SUDS3: variants seen among roughly 807,000 people sequenced by gnomAD.
The protein encoded by SUDS3 is SIN3A corepressor complex component SDS3.
In SUDS3, 23 loss-of-function variants were observed where a neutral mutation model predicts 53.5. The observed-to-expected ratio is 0.43, with a 90% confidence interval of 0.31 to 0.61. The LOEUF (loss-of-function observed/expected upper bound fraction) is 0.61. Among genes scored for constraint, SUDS3 ranks in the 20% least tolerant of loss-of-function variants. SUDS3 has a pLI of 0.10. For missense variants in SUDS3, 291 were observed against 405.9 expected (o/e 0.72, Z 2.43); for synonymous variants, 150 against 148.5 (o/e 1.01, Z -0.08).
intron 4 of SUDS3, among the ~76,000 whole-genome samples, chr12:118,389,296 A>G (rs1001607306): frequency 3.3e-5 from 5 of 151,884 alleles, no homozygotes; most frequent in Admixed American, 1.3e-4. Flanking sequence ...CCCTGGTGCC[A>G]AAAAGGTTGG....
At chr12:118,398,314 A>C (rs2046234074) in intron 6 of SUDS3, among the ~76,000 whole-genome samples, 1 of 152,146 alleles carries the variant, frequency 6.6e-6, no homozygotes, top group Admixed American at 6.5e-5. Flanking sequence ...GTGTTAGGTC[A>C]CACAGCCGTT....
intron 3 of SUDS3, 67 bp downstream of exon 3, chr12:118,384,134 T>G: frequency 6.9e-7 from 1 of 1,452,580 alleles, no homozygotes; most frequent in Admixed American, 1.8e-5. Flanking sequence ...TTGAAATCTG[T>G]GTATTTCACT....
chr12:118,408,532 C>T (rs2046328994), intron 10 of SUDS3, among the ~76,000 whole-genome samples: 1 of 151,934 alleles, frequency 6.6e-6, no homozygotes. Context: ...GGGGGTTTCA[C>T]CATGTTGGTC....
At chr12:118,407,622 G>C (rs2046319267) in intron 10 of SUDS3, among the ~76,000 whole-genome samples, 1 of 152,026 alleles carries the variant, frequency 6.6e-6, no homozygotes, top group Non-Finnish European at 1.5e-5. Context: ...CATGAGAATT[G>C]TTGGAATAGC....
At chr12:118,390,707 A>G (rs2046158272) in intron 5 of SUDS3, among the ~76,000 whole-genome samples, 1 of 152,240 alleles carries the variant, frequency 6.6e-6, no homozygotes, top group African/African-American at 2.4e-5. Flanking sequence ...CAATATATGT[A>G]TACTTTGGGG....
intron 4 of SUDS3, among the ~76,000 whole-genome samples, chr12:118,388,525 T>C (rs2046135029): frequency 6.6e-6 from 1 of 152,090 alleles, no homozygotes. Context: ...GTAAATCTAG[T>C]GGTGAGGGGA....
chr12:118,386,135 A>G lies in SUDS3; in HGVS notation c.290A>G (p.Lys97Arg). The stretch of plus-strand genomic sequence containing the variant: ...TCAGGTACATTACAGGAATATCAGA[A>G]GAGAATGAAAAAACTAGATCAGCAG... ...LQEGTLQEYQ[K>R]RMKKLDQQYK... The change falls in exon 4 of 12, where the codon AAG (lysine) becomes AGG (arginine). Residue 97 changes from lysine (K) to arginine (R), a missense_variant. Physicochemically the swap from Lys to Arg is conservative, Grantham distance 26. Transcript: ENST00000543473. 1 of 1,600,586 alleles carries G rather than the reference A, an allele frequency of 6.2e-7. No homozygotes were observed. The highest frequency in any genetic ancestry group is 1.3e-5 in the African/African-American group (1 of 74,790).
At chr12:118,403,705 G>A (rs113924792) in intron 10 of SUDS3, among the ~76,000 whole-genome samples, 188 bp downstream of exon 10, 4 of 152,144 alleles carry the variant, frequency 2.6e-5, no homozygotes, top group African/African-American at 4.8e-5. Flanking sequence ...TGAAAGCAGC[G>A]TTTCCCAAAA....
Position 118,380,149 on chromosome 12 carries a change from T to A in SUDS3, c.143-13T>A, listed in dbSNP as rs1403418605. 1 of 1,600,746 alleles carries A rather than the reference T, an allele frequency of 6.2e-7. No individual in the cohort carries two copies. Among genetic ancestry groups the A allele is most frequent in the South Asian group, 1.1e-5 (1 of 88,478 alleles). On this transcript the variant is annotated splice_polypyrimidine_tract_variant and intron_variant, in intron 1 of 11. Coordinates refer to ENST00000543473, the MANE Select transcript of SUDS3 (RefSeq NM_022491.3). Reference sequence around the variant, plus strand: ...ATGATTTTAACTAGCCCCTATTTCCTAACTTTATTCAGACACTGAGGATGC... The same window carrying A: ...ATGATTTTAACTAGCCCCTATTTCCAAACTTTATTCAGACACTGAGGATGC...
chr12:118,380,475 C>T (rs146694476), intron 2 of SUDS3, among the ~76,000 whole-genome samples: 16 of 152,270 alleles, frequency 1.1e-4, no homozygotes, highest in African/African-American at 3.6e-4. Flanking sequence ...CACTTCTGAT[C>T]CCAAGCATTT....
In SUDS3 at chr12:118,386,100, A is replaced by G; in HGVS notation, c.269-14A>G. 2.6e-6 allele frequency: 4 copies of G among 1,566,076 alleles called. No homozygotes were observed. The highest frequency in any genetic ancestry group is 2.6e-6 in the Non-Finnish European group (3 of 1,151,734). ...TATTCACAATAATTTTATTTTTCAA[A>G]TGTTCAAAATCAGGTACATTACAGG... On this transcript the variant is annotated splice_polypyrimidine_tract_variant and intron_variant, in intron 3 of 11. Coordinates refer to ENST00000543473, the MANE Select transcript of SUDS3 (RefSeq NM_022491.3).
chr12:118,376,872 T>G (rs1593744719), intron 1 of SUDS3, 39 bp downstream of exon 1: 15 of 1,012,528 alleles, frequency 1.5e-5, no homozygotes, highest in Middle Eastern at 4.2e-4. Context: ...GGAGCGGAGG[T>G]GGGACCGCTG....
At chr12:118,394,219 T>C (rs939435154) in intron 6 of SUDS3, among the ~76,000 whole-genome samples, 1 of 152,188 alleles carries the variant, frequency 6.6e-6, no homozygotes, top group Non-Finnish European at 1.5e-5. Context: ...TAGAACCTAC[T>C]GCAGAGGGTA....
At chr12:118,378,697 T>G (rs889360087) in intron 1 of SUDS3, among the ~76,000 whole-genome samples, 1 of 151,972 alleles carries the variant, frequency 6.6e-6, no homozygotes, top group East Asian at 1.9e-4. Context: ...TTTTTTGAGA[T>G]GGAGTTTCAC....
chr12:118,412,710 CTA>C (rs1349423562), intron 11 of SUDS3, among the ~76,000 whole-genome samples: 1 of 152,188 alleles, frequency 6.6e-6, no homozygotes, highest in Non-Finnish European at 1.5e-5. Context: ...TTATTCTCCT[CTA>C]TGATACCTCA....
At chr12:118,410,255 T>G (rs928704538) in intron 10 of SUDS3, among the ~76,000 whole-genome samples, 4 of 150,236 alleles carry the variant, frequency 2.7e-5, no homozygotes, top group African/African-American at 9.7e-5. Context: ...AAGTCAGCCT[T>G]CCTTCTTGTT....
chr12:118,393,268 T>A (rs139589233), intron 6 of SUDS3, among the ~76,000 whole-genome samples: 3 of 152,332 alleles, frequency 2.0e-5, no homozygotes, highest in Non-Finnish European at 4.4e-5. Flanking sequence ...GTTGCCCAGC[T>A]CTGCCCTGAA....
chr12:118,380,381 T>C lies in SUDS3; in HGVS notation c.212+150T>C, dbSNP rs555540429. On this transcript the variant is annotated intron_variant, in intron 2 of 11. Transcript: ENST00000543473. ...TGCTCAAAGGAAATGCTCATTGCACTATTTCAGATTTCAGATTTTTGGATG... is the reference window on the plus strand; with the variant it reads ...TGCTCAAAGGAAATGCTCATTGCACCATTTCAGATTTCAGATTTTTGGATG... The C allele has an allele frequency of 5.4e-5, 37 of 679,452 alleles. No homozygotes were observed. In the African/African-American group the frequency reaches 5.8e-4, roughly 11 times the overall value. The allele number at this position is 679,452 out of a possible 1,614,324, so 42.1% of individuals were successfully genotyped here.
At chr12:118,403,703 G>T (rs1034557111) in intron 10 of SUDS3, among the ~76,000 whole-genome samples, 186 bp downstream of exon 10, 17 of 152,144 alleles carry the variant, frequency 1.1e-4, no homozygotes, top group African/African-American at 4.1e-4. Flanking sequence ...TTTGAAAGCA[G>T]CGTTTCCCAA....
Sources: allele counts gnomAD v4.1 joint callset (sites outside exome capture counted in the v4.1 genomes callset), GRCh38; gene constraint gnomAD v4.1.1; transcripts MANE v1.5; gene names NCBI Gene and HGNC (gene_info 2026-07-23, HGNC 2026-07-21).